Variants in MACF1 observed in about 807,000 individuals in gnomAD.
MACF1 encodes the protein microtubule-actin cross-linking factor 1.
MACF1 carries 193 observed loss-of-function variants against 854.8 expected under a neutral mutation model. That is an observed-to-expected ratio of 0.23 (90% CI 0.20 to 0.25). MACF1 has a LOEUF of 0.25. Ranked by LOEUF, MACF1 falls within the 10% of genes least tolerant of loss-of-function variation. The pLI is 1.00. For synonymous variants in MACF1, 3,185 were observed against 3,226.7 expected (o/e 0.99, Z 0.44); for missense variants, 7,722 against 8,929.1 (o/e 0.86, Z 5.45).
chr1:39,094,403 CAA>C (rs535765878), intron 2 of MACF1, among the ~76,000 whole-genome samples: 17 of 123,754 alleles, frequency 1.4e-4, no homozygotes, highest in Non-Finnish European at 1.4e-4. Flanking sequence ...ATTTTGTCTC[CAA>C]AAAAAAAAAA....
chr1:39,099,421 T>C (rs561198225), intron 2 of MACF1, among the ~76,000 whole-genome samples: 1 of 152,180 alleles, frequency 6.6e-6, no homozygotes. Flanking sequence ...CCTCCCAAAG[T>C]GCTGGGATTA....
Position 39,462,002 on chromosome 1 carries a change from C to T in MACF1, c.21643C>T (p.Arg7215Ter). ...TCTTCATCCCAACAAGGATGCGTAT[C>T]GACCAACAACCGATGCAGATAAAAT... ...AALHPNKDAYRPTTDADKIED... is the reference protein window; with the variant it reads ...AALHPNKDAY Residue 7215 changes from arginine to a stop codon, truncating the protein, a stop_gained, in exon 93 of 101, where the codon CGA becomes TGA. Transcript: ENST00000564288. LOFTEE classifies it high-confidence loss of function. 6.2e-7 allele frequency: 1 copy of T among 1,613,646 alleles called. No individual in the cohort carries two copies. Among genetic ancestry groups the T allele is most frequent in the Non-Finnish European group, 8.5e-7 (1 of 1,179,858 alleles).
chr1:39,155,374 T>C (rs1643662725), intron 2 of MACF1, among the ~76,000 whole-genome samples: 1 of 152,268 alleles, frequency 6.6e-6, no homozygotes, highest in Non-Finnish European at 1.5e-5. Context: ...GTTAGATTGC[T>C]GTTGTGTAGT....
At chr1:39,296,817 A>C (rs1243203881) in intron 20 of MACF1, among the ~76,000 whole-genome samples, 2 of 104,564 alleles carry the variant, frequency 1.9e-5, no homozygotes, top group Non-Finnish European at 3.7e-5. Flanking sequence ...AAAGAAAGGA[A>C]GGAAGGAAGG....
At chr1:39,346,319 G>A (rs918083791) in intron 40 of MACF1, among the ~76,000 whole-genome samples, 35 of 151,256 alleles carry the variant, frequency 2.3e-4, no homozygotes, top group African/African-American at 2.4e-4. Context: ...CCGAGATGGC[G>A]CCCCTGTACT....
At chr1:39,267,497 C>T (rs1422193325) in intron 6 of MACF1, among the ~76,000 whole-genome samples, 1 of 152,182 alleles carries the variant, frequency 6.6e-6, no homozygotes, top group Non-Finnish European at 1.5e-5. Flanking sequence ...TTCTAGAGTA[C>T]TAGGATTATA....
At chr1:39,306,198 C>T (rs1461760734) in intron 23 of MACF1, among the ~76,000 whole-genome samples, 6 of 149,568 alleles carry the variant, frequency 4.0e-5, no homozygotes, top group African/African-American at 1.5e-4. Context: ...CTCCCTCTGT[C>T]GCCCAGGCTG....
chr1:39,167,606 T>C (rs1270970625), intron 2 of MACF1, among the ~76,000 whole-genome samples: 1 of 151,940 alleles, frequency 6.6e-6, no homozygotes, highest in Non-Finnish European at 1.5e-5. Flanking sequence ...CTCAGGAGCC[T>C]GAGGCAGGAG....
intron 23 of MACF1, among the ~76,000 whole-genome samples, chr1:39,306,876 A>ATTC (rs1646192023): frequency 1.3e-5 from 2 of 148,960 alleles, no homozygotes; most frequent in Non-Finnish European, 3.0e-5. Context: ...TATTATTATT[A>ATTC]TTATTATTAT....
Position 39,409,156 on chromosome 1 carries a change from C to G in MACF1, c.15817-13218C>G, listed in dbSNP as rs896083636. Among the ~76,000 whole-genome samples the G allele has an allele frequency of 1.6e-4, 25 of 152,034 alleles. No individual in the cohort carries two copies. The highest frequency in any genetic ancestry group is 2.9e-4 in the Non-Finnish European group (20 of 67,972). Reference sequence around the variant, plus strand: ...GCCCCCCGCCCGACCCTAGCGGAGCCTTTTGTTCCCAGCCAGAAGTTTGCA... The same window carrying G: ...GCCCCCCGCCCGACCCTAGCGGAGCGTTTTGTTCCCAGCCAGAAGTTTGCA... On this transcript the variant is annotated intron_variant, in intron 58 of 100. Coordinates refer to ENST00000564288, the MANE Select transcript of MACF1 (RefSeq NM_001394062.1). The surrounding 1 kb of genome is among the most constrained non-coding windows in gnomAD (Gnocchi z 4.2).
chr1:39,455,151 C>A, intron 89 of MACF1, 54 bp downstream of exon 89: 1 of 1,538,872 alleles, frequency 6.5e-7, no homozygotes, highest in East Asian at 2.3e-5. Flanking sequence ...GGCATGGAGA[C>A]CATCTCTGTT....
At chr1:39,102,063 C>T (rs1476899645) in intron 2 of MACF1, among the ~76,000 whole-genome samples, 1 of 151,602 alleles carries the variant, frequency 6.6e-6, no homozygotes, top group Non-Finnish European at 1.5e-5. Flanking sequence ...GTAGTCCCAG[C>T]TACTCGGGAG....
intron 1 of MACF1, among the ~76,000 whole-genome samples, chr1:39,218,182 CAAAAAAAAAAAAA>C (rs36113375): frequency 1.2e-5 from 1 of 84,484 alleles, no homozygotes; most frequent in Non-Finnish European, 2.1e-5. Flanking sequence ...GACTCCGTCT[CAAAAAAAAAAAAA>C]AAAAAAAAAG....
At chr1:39,199,010 G>A (rs12737392) in intron 2 of MACF1, among the ~76,000 whole-genome samples, 90,405 of 151,666 alleles carry the variant, frequency 0.6, 28,969 homozygotes, top group South Asian at 0.77. Flanking sequence ...TTTTGAGATG[G>A]AGTCTCGCTC....
At chr1:39,212,866 C>CT (rs1644532758) in intron 1 of MACF1, among the ~76,000 whole-genome samples, 1 of 152,246 alleles carries the variant, frequency 6.6e-6, no homozygotes, top group Non-Finnish European at 1.5e-5. Context: ...CTCAAGTGAT[C>CT]TGCCCACCTT....
At chr1:39,396,319 C>CAAAAAAAA (rs1165225801) in intron 58 of MACF1, among the ~76,000 whole-genome samples, 1 of 81,632 alleles carries the variant, frequency 1.2e-5, no homozygotes, top group African/African-American at 3.7e-5. Context: ...GACTCCATCT[C>CAAAAAAAA]AAAAAAAAAA....
At chr1:39,485,031 A>G (rs1320037247) in intron 100 of MACF1, 4 of 450,796 alleles carry the variant, frequency 8.9e-6, no homozygotes, top group African/African-American at 8.0e-5. Context: ...ACACCAGTCC[A>G]GTGTTGGGAT....
chr1:39,118,651 G>A (rs904613053), intron 2 of MACF1, among the ~76,000 whole-genome samples: 3 of 152,188 alleles, frequency 2.0e-5, no homozygotes, highest in African/African-American at 7.2e-5. Flanking sequence ...GGCATTGGAA[G>A]GAATGGTCTA....
rs761889411 is a variant in MACF1, at chr1:39,336,035, C to G, written c.9447C>G (p.Ser3149=). Residue 3149 remains serine, a synonymous_variant, in exon 37 of 101, where the codon TCC becomes TCG. Coordinates refer to ENST00000564288, the MANE Select transcript of MACF1 (RefSeq NM_001394062.1). The part of the protein sequence containing the change: ...TTRQETNYQD[S]WVTSKTKETK... Reference sequence around the variant, plus strand: ...GACAGGAGACCAACTATCAAGATTCCTGGGTTACTTCGAAAACTAAGGAAA... The same window carrying G: ...GACAGGAGACCAACTATCAAGATTCGTGGGTTACTTCGAAAACTAAGGAAA... The G allele has an allele frequency of 2.5e-6, 4 of 1,614,098 alleles. No homozygotes were observed. Among genetic ancestry groups the G allele is most frequent in the Non-Finnish European group, 3.4e-6 (4 of 1,180,020 alleles).
Sources: gnomAD v4.1 joint callset for allele counts (sites outside exome capture counted in the v4.1 genomes callset) on GRCh38, gnomAD v4.1.1 for gene constraint, Gnocchi (gnomAD v3.1) non-coding constraint, MANE v1.5 for transcripts, NCBI Gene and HGNC (gene_info 2026-07-23, HGNC 2026-07-21) for gene names.